Variants in EPB41L4A observed in about 807,000 individuals in gnomAD.
EPB41L4A encodes the protein erythrocyte membrane protein band 4.1 like 4A, also known as band 4.1-like protein 4A.
In EPB41L4A, 100 loss-of-function variants were observed where a neutral mutation model predicts 108.6. The ratio of observed to expected loss-of-function variants is 0.92; its 90% CI spans 0.78 to 1.09. The LOEUF (loss-of-function observed/expected upper bound fraction) is 1.09. Ranked by LOEUF, EPB41L4A falls within the 50% of genes least tolerant of loss-of-function variation. The pLI is 0.00. For missense variants in EPB41L4A, 1,030 were observed against 842.7 expected, an observed-to-expected ratio of 1.22 and a Z score of -2.75; for synonymous variants, 319 against 289.0, an observed-to-expected ratio of 1.10 and a Z score of -1.05.
chr5:112,412,206 C>T (rs1304966929), intron 1 of EPB41L4A, among the ~76,000 whole-genome samples: 1 of 152,210 alleles, frequency 6.6e-6, no homozygotes, highest in Non-Finnish European at 1.5e-5. Flanking sequence ...TTTTCCCTGC[C>T]TGTCCCCATC....
intron 17 of EPB41L4A, among the ~76,000 whole-genome samples, chr5:112,193,405 G>C (rs1027160234): frequency 1.3e-5 from 2 of 152,110 alleles, no homozygotes; most frequent in Non-Finnish European, 2.9e-5. Context: ...GGGTTCAAGC[G>C]ATTCTCCTGC....
chr5:112,320,367 A>C (rs1262942237), intron 1 of EPB41L4A, among the ~76,000 whole-genome samples: 2 of 152,198 alleles, frequency 1.3e-5, no homozygotes, highest in Non-Finnish European at 2.9e-5. Flanking sequence ...TTTATGATAC[A>C]TTATAACTTT....
At chr5:112,267,371 G>A (rs974627539) in intron 4 of EPB41L4A, among the ~76,000 whole-genome samples, 39 of 152,148 alleles carry the variant, frequency 2.6e-4, no homozygotes, top group African/African-American at 9.4e-4. Context: ...CACAACCAAA[G>A]CACTTAGTGA....
At chr5:112,395,518 G>A (rs1382384868) in intron 1 of EPB41L4A, among the ~76,000 whole-genome samples, 1 of 152,182 alleles carries the variant, frequency 6.6e-6, no homozygotes, top group Non-Finnish European at 1.5e-5. Flanking sequence ...CTGGTCATCG[G>A]AGAAATGCAA....
intron 12 of EPB41L4A, among the ~76,000 whole-genome samples, chr5:112,215,067 G>A (rs1371119373): frequency 1.3e-5 from 2 of 152,180 alleles, no homozygotes; most frequent in African/African-American, 4.8e-5. Context: ...CTCAATGAAT[G>A]TCTATTATTA....
chr5:112,346,700 T>C (rs1757699715), intron 1 of EPB41L4A, among the ~76,000 whole-genome samples: 1 of 152,200 alleles, frequency 6.6e-6, no homozygotes, highest in Non-Finnish European at 1.5e-5. Context: ...ACTGCAGAAA[T>C]GTACAAGACT....
chr5:112,361,783 A>G (rs1758785513), intron 1 of EPB41L4A, among the ~76,000 whole-genome samples: 1 of 151,894 alleles, frequency 6.6e-6, no homozygotes, highest in South Asian at 2.1e-4. Flanking sequence ...TTTACTCGGG[A>G]GGCTGAGGCA....
intron 2 of EPB41L4A, among the ~76,000 whole-genome samples, chr5:112,288,662 T>C (rs1241879646): frequency 6.6e-6 from 1 of 152,144 alleles, no homozygotes; most frequent in Non-Finnish European, 1.5e-5. Context: ...ACTGGAAGCA[T>C]TTATACTGGT....
intron 2 of EPB41L4A, among the ~76,000 whole-genome samples, chr5:112,293,684 T>C (rs1753804874): frequency 6.6e-6 from 1 of 152,158 alleles, no homozygotes; most frequent in African/African-American, 2.4e-5. Flanking sequence ...ATGCTCTGCT[T>C]TTCCCGATGC....
chr5:112,276,340 C>T (rs977938960), intron 3 of EPB41L4A, among the ~76,000 whole-genome samples: 1 of 152,122 alleles, frequency 6.6e-6, no homozygotes, highest in African/African-American at 2.4e-5. Flanking sequence ...AATAAACACT[C>T]ATATTGTGCA....
intron 1 of EPB41L4A, among the ~76,000 whole-genome samples, chr5:112,418,217 G>C (rs879699418): frequency 3.9e-5 from 6 of 152,176 alleles, no homozygotes; most frequent in Non-Finnish European, 1.5e-5. Context: ...CAGGCGCGTC[G>C]GTCAGGTTGT....
At chr5:112,215,686 C>T (rs748979411) in intron 12 of EPB41L4A, among the ~76,000 whole-genome samples, 2 of 143,402 alleles carry the variant, frequency 1.4e-5, no homozygotes, top group African/African-American at 5.1e-5. Flanking sequence ...TGGCGTGATC[C>T]CGGAAGGTGG....
intron 2 of EPB41L4A, among the ~76,000 whole-genome samples, chr5:112,300,344 G>T (rs114322775): frequency 6.6e-6 from 1 of 152,208 alleles, no homozygotes; most frequent in African/African-American, 2.4e-5. Context: ...TGCTGTCTTA[G>T]GACTGGCAAA....
chr5:112,372,246 T>A (rs144807098), intron 1 of EPB41L4A, among the ~76,000 whole-genome samples: 7 of 152,146 alleles, frequency 4.6e-5, no homozygotes, highest in African/African-American at 1.7e-4. Flanking sequence ...GGTGAAAGGA[T>A]AGAGAATGAG....
chr5:112,169,783 C>A (rs1760467425), intron 20 of EPB41L4A, among the ~76,000 whole-genome samples: 2 of 152,134 alleles, frequency 1.3e-5, no homozygotes, highest in African/African-American at 4.8e-5. Flanking sequence ...AGCATAGCTA[C>A]AGAAGGGAAA....
At chr5:112,313,011 CAT>C (rs1755146848) in intron 1 of EPB41L4A, among the ~76,000 whole-genome samples, 2 of 152,202 alleles carry the variant, frequency 1.3e-5, no homozygotes, top group Admixed American at 6.5e-5. Flanking sequence ...TTATGAAACA[CAT>C]GACTTCATTC....
chr5:112,267,827 A>G (rs1314157635), intron 4 of EPB41L4A, among the ~76,000 whole-genome samples: 1 of 151,976 alleles, frequency 6.6e-6, no homozygotes, highest in Non-Finnish European at 1.5e-5. Flanking sequence ...CTTTGCCTTT[A>G]GGATAAAGTT....
intron 1 of EPB41L4A, among the ~76,000 whole-genome samples, chr5:112,386,417 A>T (rs1409546827): frequency 6.6e-6 from 1 of 152,242 alleles, no homozygotes. Context: ...AAAAGGTTTC[A>T]TATTTATAGT....
At chr5:112,158,492 G>C (rs1438834808), downstream of EPB41L4A, 1 of 339,160 alleles carries the variant, frequency 2.9e-6, no homozygotes, top group African/African-American at 2.2e-5. Context: ...TATATATGCT[G>C]GCTGCCCCAG....
Sources: allele counts gnomAD v4.1 joint callset (sites outside exome capture counted in the v4.1 genomes callset), GRCh38; gene constraint gnomAD v4.1.1; transcripts MANE v1.5; gene names NCBI Gene and HGNC (gene_info 2026-07-23, HGNC 2026-07-21).